The following ST3GAL3 variants were observed in gnomAD, a reference collection of about 807,000 sequenced individuals.
The protein encoded by ST3GAL3 is ST3 beta-galactoside alpha-2,3-sialyltransferase 3.
In ST3GAL3, 21 loss-of-function variants were observed where a neutral mutation model predicts 50.1. The ratio of observed to expected loss-of-function variants is 0.42; its 90% CI spans 0.30 to 0.60. The LOEUF is 0.60. ST3GAL3 is among the 20% of genes least tolerant of loss of function. ST3GAL3 has a pLI of 0.19. For synonymous variants in ST3GAL3, 183 were observed against 190.0 expected, an observed-to-expected ratio of 0.96 and a Z score of 0.30; for missense variants, 353 against 489.4, an observed-to-expected ratio of 0.72 and a Z score of 2.63.
intron 3 of ST3GAL3, among the ~76,000 whole-genome samples, chr1:43,794,649 A>G (rs2058482249): frequency 6.6e-6 from 1 of 152,228 alleles, no homozygotes; most frequent in African/African-American, 2.4e-5. Context: ...AACATTGTTC[A>G]TAATTGTCAA....
At chr1:43,810,687 G>T (rs1350961474) in intron 3 of ST3GAL3, among the ~76,000 whole-genome samples, 1 of 152,146 alleles carries the variant, frequency 6.6e-6, no homozygotes, top group Admixed American at 6.5e-5. Flanking sequence ...AGAACAGAAT[G>T]AAGTACTGGT....
At chr1:43,884,859 T>C (rs940725984) in intron 5 of ST3GAL3, among the ~76,000 whole-genome samples, 1 of 152,188 alleles carries the variant, frequency 6.6e-6, no homozygotes, top group Non-Finnish European at 1.5e-5. Context: ...CAAACCCATA[T>C]CTGGAAGCAC....
At chr1:43,810,251 C>T (rs945089379) in intron 3 of ST3GAL3, among the ~76,000 whole-genome samples, 2 of 152,080 alleles carry the variant, frequency 1.3e-5, no homozygotes, top group East Asian at 3.9e-4. Flanking sequence ...TGATGAAAAT[C>T]GCAGCAAAGT....
At chr1:43,860,212 G>A (rs2069559359) in intron 5 of ST3GAL3, among the ~76,000 whole-genome samples, 1 of 152,176 alleles carries the variant, frequency 6.6e-6, no homozygotes, top group Non-Finnish European at 1.5e-5. Context: ...TTTAAACATG[G>A]TCAGCAGCTG....
intron 5 of ST3GAL3, among the ~76,000 whole-genome samples, chr1:43,883,124 G>A (rs2075429157): frequency 6.6e-6 from 1 of 151,906 alleles, no homozygotes; most frequent in African/African-American, 2.4e-5. Context: ...TACCATGACT[G>A]GCTAAATTTT....
intron 2 of ST3GAL3, among the ~76,000 whole-genome samples, chr1:43,790,633 CTTTTTT>C (rs11343844): frequency 8.0e-6 from 1 of 125,720 alleles, no homozygotes; most frequent in Non-Finnish European, 1.7e-5. Context: ...ATGGCGTCTC[CTTTTTT>C]TTTTTTTTTT....
Position 43,889,598 on chromosome 1 carries a change from A to T in ST3GAL3, c.303-4785A>T, listed in dbSNP as rs186102241. ...AGAAGGAACTGCAAAGAAACCTTAA[A>T]TTGTTTTTAGTAATGGTAGTGTTAG... On this transcript the variant is annotated intron_variant, in intron 5 of 11. Transcript: ENST00000347631. 1.0e-3 allele frequency among the ~76,000 whole-genome samples: 159 copies of T among 152,356 alleles called. 2 individuals carry two copies. Among genetic ancestry groups the T allele is most frequent in the African/African-American group, 3.6e-3 (150 of 41,588 alleles).
At chr1:43,923,902 A>C (rs1417085502) in intron 11 of ST3GAL3, among the ~76,000 whole-genome samples, 1 of 152,080 alleles carries the variant, frequency 6.6e-6, no homozygotes, top group African/African-American at 2.4e-5. Flanking sequence ...GGCATGAGTC[A>C]CTGCACCTGG....
At chr1:43,782,160 A>G (rs1327662100) in intron 2 of ST3GAL3, among the ~76,000 whole-genome samples, 1 of 152,150 alleles carries the variant, frequency 6.6e-6, no homozygotes, top group Non-Finnish European at 1.5e-5. Flanking sequence ...TGCTACATTT[A>G]ACATTATTGC....
At chr1:43,888,734 A>G (rs896644912) in intron 5 of ST3GAL3, among the ~76,000 whole-genome samples, 2 of 152,160 alleles carry the variant, frequency 1.3e-5, no homozygotes, top group Non-Finnish European at 2.9e-5. Flanking sequence ...TTTTTTTTCT[A>G]TCAGACTAAC....
At chr1:43,772,964 GTC>G (rs764492493) in intron 2 of ST3GAL3, among the ~76,000 whole-genome samples, 6 of 152,226 alleles carry the variant, frequency 3.9e-5, no homozygotes, top group Middle Eastern at 3.4e-3. Context: ...GGCCAGGATG[GTC>G]TCGATCTCTT....
intron 5 of ST3GAL3, chr1:43,894,078 C>T (rs1239988148): frequency 2.4e-6 from 1 of 421,370 alleles, no homozygotes; most frequent in Non-Finnish European, 4.5e-6. Flanking sequence ...TGAATGCCTG[C>T]ACAACCTTCC....
chr1:43,760,545 GGAGA>G (rs1434907814), intron 2 of ST3GAL3, among the ~76,000 whole-genome samples: 1 of 152,186 alleles, frequency 6.6e-6, no homozygotes, highest in Admixed American at 6.5e-5. Flanking sequence ...CACGAAGTCA[GGAGA>G]TCGGGACCAT....
intron 11 of ST3GAL3, chr1:43,921,973 T>A: frequency 2.6e-6 from 1 of 386,446 alleles, no homozygotes; most frequent in Non-Finnish European, 4.6e-6. Context: ...CTCCTTCTTC[T>A]TTGAACTTCT....
intron 5 of ST3GAL3, among the ~76,000 whole-genome samples, chr1:43,880,094 A>G (rs1228969766): frequency 1.3e-5 from 2 of 152,072 alleles, no homozygotes; most frequent in Non-Finnish European, 2.9e-5. Flanking sequence ...GGAGGCTGTC[A>G]CCCCAAGCTG....
At chr1:43,765,810 T>TCCGCGCGC (rs1692671552) in intron 2 of ST3GAL3, among the ~76,000 whole-genome samples, 1 of 146,476 alleles carries the variant, frequency 6.8e-6, no homozygotes, top group African/African-American at 2.7e-5. Flanking sequence ...CGTCCGCGCG[T>TCCGCGCGC]CCGCGTGCGC....
At chr1:43,926,235 G>A (rs1028241043) in intron 11 of ST3GAL3, among the ~76,000 whole-genome samples, 4 of 152,176 alleles carry the variant, frequency 2.6e-5, no homozygotes, top group East Asian at 1.9e-4. Context: ...TGAGAAGCGC[G>A]GCTCATCCTG....
chr1:43,801,551 A>T, intron 3 of ST3GAL3: 1 of 354,152 alleles, frequency 2.8e-6, no homozygotes, highest in South Asian at 2.1e-5. Context: ...TGTAGGTAGG[A>T]AGTAATACTT....
Position 43,824,736 on chromosome 1 carries a change from C to T in ST3GAL3, c.209+9803C>T, listed in dbSNP as rs752395167. On this transcript the variant is annotated intron_variant, in intron 4 of 11. Coordinates refer to ENST00000347631, the MANE Select transcript of ST3GAL3 (RefSeq NM_006279.5). ...GCCAAATTCCCACTTTGCAGCTCAC[C>T]GAGGACTCTCTGCACGGTGGTTTTT... The T allele has an allele frequency of 6.8e-6, 11 of 1,613,844 alleles. 1 individual carries two copies. The highest frequency in any genetic ancestry group is 5.5e-5 in the South Asian group (5 of 91,074).
Sources: allele counts gnomAD v4.1 joint callset (sites outside exome capture counted in the v4.1 genomes callset), GRCh38; gene constraint gnomAD v4.1.1; transcripts MANE v1.5; gene names NCBI Gene and HGNC (gene_info 2026-07-23, HGNC 2026-07-21).